The following EGFLAM variants were observed in gnomAD, a reference collection of about 807,000 sequenced individuals.
EGFLAM encodes the protein pikachurin.
A neutral mutation model predicts 113.1 loss-of-function variants in EGFLAM; 79 were observed. The observed-to-expected ratio is 0.70, with a 90% CI of 0.58 to 0.84. The LOEUF (loss-of-function observed/expected upper bound fraction) is 0.84, where lower values mean the gene tolerates loss of function less well. Among genes scored for constraint, EGFLAM ranks in the 40% least tolerant of loss-of-function variants. EGFLAM has a pLI of 0.00. For missense variants in EGFLAM, 1,265 were observed against 1,291.6 expected, an observed-to-expected ratio of 0.98 and a Z score of 0.32; for synonymous variants, 504 against 487.6, an observed-to-expected ratio of 1.03 and a Z score of -0.44.
At chr5:38,333,922 T>G (rs1422829023) in intron 1 of EGFLAM, among the ~76,000 whole-genome samples, 1 of 139,072 alleles carries the variant, frequency 7.2e-6, no homozygotes, top group Non-Finnish European at 1.5e-5. Flanking sequence ...GAGGGTTTTT[T>G]TTTTTTTTTT....
chr5:38,370,126 A>G (rs1168592143), intron 5 of EGFLAM, among the ~76,000 whole-genome samples, 170 bp from the exon 6 acceptor site: 1 of 152,236 alleles, frequency 6.6e-6, no homozygotes, highest in African/African-American at 2.4e-5. Context: ...GGACTTGCAA[A>G]TGATGACTTG....
At chr5:38,271,041 G>A (rs1338695176) in intron 1 of EGFLAM, among the ~76,000 whole-genome samples, 4 of 152,158 alleles carry the variant, frequency 2.6e-5, no homozygotes, top group Admixed American at 2.6e-4. Flanking sequence ...CTCAAATGAG[G>A]ACTTTTGGTG....
rs986772295 is a variant in EGFLAM, at chr5:38,465,234, C to T, written c.*1248C>T. Among the ~76,000 whole-genome samples the T allele has an allele frequency of 1.3e-5, 2 of 152,066 alleles. No homozygotes were observed. The highest frequency in any genetic ancestry group is 2.4e-5 in the African/African-American group (1 of 41,406). ...TCCCTTTACTATGCAAGCACATGAC[C>T]CCAGAGACAGCTGGTTCACTGGCAG... On this transcript the variant is annotated 3_prime_UTR_variant, in exon 22 of 22. Transcript: ENST00000322350.
At chr5:38,280,316 C>T (rs1579719848) in intron 1 of EGFLAM, among the ~76,000 whole-genome samples, 1 of 152,214 alleles carries the variant, frequency 6.6e-6, no homozygotes, top group Non-Finnish European at 1.5e-5. Flanking sequence ...TACGATTGTC[C>T]TGCTCTTCAC....
At chr5:38,456,800 G>C (rs1743102475) in intron 19 of EGFLAM, among the ~76,000 whole-genome samples, 1 of 152,184 alleles carries the variant, frequency 6.6e-6, no homozygotes, top group African/African-American at 2.4e-5. Flanking sequence ...AGGTGAAGGA[G>C]AGATATGTCC....
chr5:38,268,804 C>A (rs1014512885), intron 1 of EGFLAM, among the ~76,000 whole-genome samples: 4 of 152,092 alleles, frequency 2.6e-5, no homozygotes, highest in Non-Finnish European at 2.9e-5. Flanking sequence ...CAGTAAGGTT[C>A]AAAAATATGT....
At chr5:38,453,320 G>A (rs781147538) in intron 19 of EGFLAM, among the ~76,000 whole-genome samples, 1 of 152,196 alleles carries the variant, frequency 6.6e-6, no homozygotes, top group Non-Finnish European at 1.5e-5. Flanking sequence ...AATAGACAAA[G>A]CAGGGATCAC....
chr5:38,391,544 G>A (rs1332881802), intron 6 of EGFLAM, among the ~76,000 whole-genome samples: 10 of 151,552 alleles, frequency 6.6e-5, no homozygotes, highest in South Asian at 2.1e-4. Context: ...GATTACAGGC[G>A]CCTACTACCA....
chr5:38,386,423 C>T (rs992119392), intron 6 of EGFLAM, among the ~76,000 whole-genome samples: 1 of 152,328 alleles, frequency 6.6e-6, no homozygotes, highest in South Asian at 2.1e-4. Context: ...GAACTCCTGA[C>T]CTCATGTGAC....
intron 6 of EGFLAM, among the ~76,000 whole-genome samples, chr5:38,373,475 C>T (rs1450030399): frequency 6.6e-6 from 1 of 152,080 alleles, no homozygotes; most frequent in Non-Finnish European, 1.5e-5. Flanking sequence ...CCCCATGTAC[C>T]AATTGGTTAG....
intron 6 of EGFLAM, among the ~76,000 whole-genome samples, chr5:38,400,900 T>C (rs1015081214): frequency 2.0e-5 from 3 of 152,192 alleles, no homozygotes; most frequent in African/African-American, 7.2e-5. Context: ...CTGCGGTCTC[T>C]CTATGAAAGT....
chr5:38,277,770 C>CA (rs79271284), intron 1 of EGFLAM, among the ~76,000 whole-genome samples: 1 of 150,964 alleles, frequency 6.6e-6, no homozygotes, highest in Non-Finnish European at 1.5e-5. Context: ...CTGAAAAAGT[C>CA]AAAAAAAATC....
chr5:38,322,823 C>T (rs1258942034), intron 1 of EGFLAM, among the ~76,000 whole-genome samples: 1 of 152,188 alleles, frequency 6.6e-6, no homozygotes, highest in African/African-American at 2.4e-5. Context: ...AGAGAAAAGC[C>T]AGCAGGGATC....
At chr5:38,451,516 A>G (rs1283145415) in intron 19 of EGFLAM, 58 bp downstream of exon 19, 1 of 1,588,792 alleles carries the variant, frequency 6.3e-7, no homozygotes, top group Non-Finnish European at 8.6e-7. Context: ...GACATTGCAG[A>G]TCATGCCAGA....
At chr5:38,442,119 TTTTG>T (rs1034276159) in intron 17 of EGFLAM, among the ~76,000 whole-genome samples, 96 of 152,208 alleles carry the variant, frequency 6.3e-4, no homozygotes, top group African/African-American at 1.9e-3. Flanking sequence ...ATTTGGGTGA[TTTTG>T]TTTGTTTGTT....
At chr5:38,444,371 A>G (rs1344444170) in intron 17 of EGFLAM, among the ~76,000 whole-genome samples, 3 of 152,222 alleles carry the variant, frequency 2.0e-5, no homozygotes, top group African/African-American at 7.2e-5. Context: ...ACAGGGAGAT[A>G]GGAGAAATAA....
chr5:38,451,573 G>A, intron 19 of EGFLAM, 115 bp downstream of exon 19: 1 of 1,438,320 alleles, frequency 7.0e-7, no homozygotes, highest in Non-Finnish European at 9.3e-7. Context: ...ATTGGCTGAA[G>A]CCTGAAGCTT....
At chr5:38,277,640 G>A (rs1209713209) in intron 1 of EGFLAM, among the ~76,000 whole-genome samples, 1 of 152,108 alleles carries the variant, frequency 6.6e-6, no homozygotes, top group Non-Finnish European at 1.5e-5. Context: ...CAGATGACAT[G>A]ATCTTATGTA....
At chr5:38,320,964 G>C (rs1299963965) in intron 1 of EGFLAM, among the ~76,000 whole-genome samples, 1 of 152,154 alleles carries the variant, frequency 6.6e-6, no homozygotes, top group East Asian at 1.9e-4. Context: ...TTTGACACCA[G>C]GGGCTGGTTT....
Sources: allele counts gnomAD v4.1 joint callset (sites outside exome capture counted in the v4.1 genomes callset), GRCh38; gene constraint gnomAD v4.1.1; transcripts MANE v1.5; gene names NCBI Gene and HGNC (gene_info 2026-07-23, HGNC 2026-07-21).